Variants in IFT25 observed in about 807,000 individuals in gnomAD.
The protein encoded by IFT25 is intraflagellar transport protein 25 homolog.
At chr1:53,940,510 A>T in the IFT25 span, among the ~76,000 whole-genome samples, 9 of 152,226 alleles carry the variant, frequency 5.9e-5, no homozygotes, top group Non-Finnish European at 8.8e-5. Context: ...TTAAGCAAAA[A>T]TACATCAATT....
At chr1:53,920,068 GGATTA>G in the IFT25 span, among the ~76,000 whole-genome samples, 5 of 149,434 alleles carry the variant, frequency 3.3e-5, no homozygotes, top group African/African-American at 1.3e-4. Context: ...CAAAGTGCTG[GGATTA>G]TAGGTGTGGG....
At chr1:53,927,031 T>G in the IFT25 span, among the ~76,000 whole-genome samples, 2 of 152,186 alleles carry the variant, frequency 1.3e-5, no homozygotes, top group African/African-American at 4.8e-5. Context: ...AGGCCCCACA[T>G]TCTAGATTTT....
At chr1:53,927,988 T>C in the IFT25 span, among the ~76,000 whole-genome samples, 1,359 of 152,286 alleles carry the variant, frequency 8.9e-3, 23 homozygotes, top group African/African-American at 0.03. Context: ...CTGTGTTTAA[T>C]TAAGTAGAGG....
the IFT25 span, among the ~76,000 whole-genome samples, chr1:53,945,072 T>C: frequency 6.6e-6 from 1 of 152,086 alleles, no homozygotes; most frequent in South Asian, 2.1e-4. Flanking sequence ...GGCCACGGCT[T>C]CCAAGGCAAA....
the IFT25 span, chr1:53,939,560 T>C: frequency 9.3e-4 from 151 of 163,170 alleles, no homozygotes; most frequent in Non-Finnish European, 1.8e-3. Flanking sequence ...CAATACACGA[T>C]AGCAAGGAAT....
the IFT25 span, among the ~76,000 whole-genome samples, chr1:53,922,371 G>A: frequency 3.4e-5 from 5 of 148,930 alleles, no homozygotes; most frequent in South Asian, 1.1e-3. Context: ...TCCAGCCTGG[G>A]CAACAAGAGC....
At chr1:53,925,432 G>A in the IFT25 span, among the ~76,000 whole-genome samples, 5 of 151,274 alleles carry the variant, frequency 3.3e-5, no homozygotes, top group Non-Finnish European at 7.4e-5. Flanking sequence ...AGGCTGAGGC[G>A]GGCAGATCAC....
the IFT25 span, among the ~76,000 whole-genome samples, chr1:53,914,661 T>C: frequency 6.6e-6 from 1 of 152,230 alleles, no homozygotes; most frequent in African/African-American, 2.4e-5. Flanking sequence ...AAATGGAATT[T>C]CTGTGTCAAA....
chr1:53,918,246 A>G, the IFT25 span, among the ~76,000 whole-genome samples: 11 of 152,256 alleles, frequency 7.2e-5, no homozygotes, highest in East Asian at 1.9e-4. Context: ...ACTTTAAAGT[A>G]TATCAGTGAC....
chr1:53,941,004 T>TC, the IFT25 span, among the ~76,000 whole-genome samples: 1 of 151,712 alleles, frequency 6.6e-6, no homozygotes, highest in East Asian at 1.9e-4. Flanking sequence ...ACAGGCTATC[T>TC]TTTTTTTGAG....
the IFT25 span, among the ~76,000 whole-genome samples, chr1:53,938,475 C>T: frequency 6.6e-6 from 1 of 152,156 alleles, no homozygotes; most frequent in South Asian, 2.1e-4. Context: ...AGTCAGTTGC[C>T]ATAAAGATGA....
At chr1:53,934,668 T>C in the IFT25 span, among the ~76,000 whole-genome samples, 1 of 152,336 alleles carries the variant, frequency 6.6e-6, no homozygotes, top group African/African-American at 2.4e-5. Context: ...AGTACTGATA[T>C]GTGCTACAAC....
the IFT25 span, among the ~76,000 whole-genome samples, chr1:53,914,911 T>C: frequency 6.6e-6 from 1 of 152,364 alleles, no homozygotes; most frequent in South Asian, 2.1e-4. Flanking sequence ...ATTTCTGTAA[T>C]ATTTCTTTGC....
At chr1:53,933,495 A>G in the IFT25 span, among the ~76,000 whole-genome samples, 1 of 152,184 alleles carries the variant, frequency 6.6e-6, no homozygotes, top group Non-Finnish European at 1.5e-5. Context: ...GTCTCTGGTA[A>G]TACTCCTTGT....
the IFT25 span, among the ~76,000 whole-genome samples, chr1:53,927,853 T>C: frequency 1.4e-4 from 21 of 152,240 alleles, no homozygotes; most frequent in Non-Finnish European, 2.2e-4. Context: ...CACTGATCTC[T>C]CACATTTGCT....
At chr1:53,939,806 A>C in the IFT25 span, 1 of 539,152 alleles carries the variant, frequency 1.9e-6, no homozygotes, top group Non-Finnish European at 3.2e-6. Flanking sequence ...AAAGGATCAA[A>C]AACCTAAATA....
At chr1:53,932,366 C>A in the IFT25 span, among the ~76,000 whole-genome samples, 1 of 151,926 alleles carries the variant, frequency 6.6e-6, no homozygotes, top group Non-Finnish European at 1.5e-5. Context: ...TTCTAAGATC[C>A]CTTCTGATTT....
At chr1:53,916,511 C>T in the IFT25 span, 1 of 156,740 alleles carries the variant, frequency 6.4e-6, no homozygotes, top group African/African-American at 2.4e-5. Flanking sequence ...TAAGCCTCAA[C>T]ACAGTGTTTC....
chr1:53,939,833 T>G, the IFT25 span: 2 of 603,130 alleles, frequency 3.3e-6, no homozygotes, highest in Non-Finnish European at 2.9e-6. Context: ...ACTCAATTAG[T>G]TTCAGAAATG....
Sources: gnomAD v4.1 joint callset for allele counts (sites outside exome capture counted in the v4.1 genomes callset) on GRCh38, gnomAD v4.1.1 for gene constraint, MANE v1.5 for transcripts, NCBI Gene and HGNC (gene_info 2026-07-23, HGNC 2026-07-21) for gene names.